CDK13: variants seen among roughly 807,000 people sequenced by gnomAD.
The protein encoded by CDK13 is cyclin-dependent kinase 13.
CDK13 carries 40 observed loss-of-function variants against 137.6 expected under a neutral mutation model. The ratio of observed to expected loss-of-function variants is 0.29; its 90% CI spans 0.23 to 0.38. CDK13 has a LOEUF of 0.38. Among genes scored for constraint, CDK13 ranks in the 10% least tolerant of loss-of-function variants. CDK13 has a pLI of 1.00. For missense variants in CDK13, 1,704 were observed against 1,951.8 expected (o/e 0.87, Z 2.39); for synonymous variants, 869 against 760.1 (o/e 1.14, Z -2.36).
chr7:39,987,469 C>G (rs1784363434), intron 1 of CDK13, 130 bp from the exon 2 acceptor site: 1 of 831,296 alleles, frequency 1.2e-6, no homozygotes, highest in African/African-American at 1.8e-5. Flanking sequence ...TTTTTCAAAA[C>G]TTCAAAAATG....
At chr7:40,013,525 T>C (rs1052680953) in intron 5 of CDK13, among the ~76,000 whole-genome samples, 3 of 152,244 alleles carry the variant, frequency 2.0e-5, no homozygotes, top group Non-Finnish European at 2.9e-5. Flanking sequence ...CTATGTATTA[T>C]ATGATTCCAT....
intron 5 of CDK13, among the ~76,000 whole-genome samples, chr7:40,010,005 A>G (rs935399438): frequency 1.3e-5 from 2 of 152,212 alleles, no homozygotes; most frequent in Non-Finnish European, 2.9e-5. Context: ...AACCTTTTTG[A>G]CACCAGGGAC....
chr7:40,085,206 C>G (rs533866632), intron 11 of CDK13, among the ~76,000 whole-genome samples: 1 of 151,868 alleles, frequency 6.6e-6, no homozygotes, highest in African/African-American at 2.4e-5. Flanking sequence ...ACTAAAAATA[C>G]GAAAATTAGC....
intron 5 of CDK13, among the ~76,000 whole-genome samples, chr7:40,012,884 C>T (rs368110720): frequency 6.6e-4 from 99 of 150,050 alleles, no homozygotes; most frequent in Middle Eastern, 3.4e-3. Flanking sequence ...TGCACTCCAG[C>T]CTGGGCGACC....
At chr7:40,015,810 C>G (rs1784991801) in intron 5 of CDK13, among the ~76,000 whole-genome samples, 1 of 152,080 alleles carries the variant, frequency 6.6e-6, no homozygotes, top group Non-Finnish European at 1.5e-5. Flanking sequence ...GAGTTTCAGT[C>G]ACATCTGACT....
chr7:40,021,502 A>T (rs769318611), intron 5 of CDK13, among the ~76,000 whole-genome samples: 2 of 152,148 alleles, frequency 1.3e-5, no homozygotes, highest in Non-Finnish European at 2.9e-5. Context: ...AAAAAAAGGA[A>T]ATAATAATTT....
At chr7:40,017,133 T>G (rs2116385285) in intron 5 of CDK13, among the ~76,000 whole-genome samples, 1 of 152,294 alleles carries the variant, frequency 6.6e-6, no homozygotes, top group South Asian at 2.1e-4. Context: ...ATATAGCCAC[T>G]TAAAAAACAG....
intron 5 of CDK13, among the ~76,000 whole-genome samples, chr7:40,020,478 T>C (rs762897570): frequency 1.1e-4 from 16 of 152,142 alleles, no homozygotes; most frequent in Non-Finnish European, 2.1e-4. Flanking sequence ...GCTCTTCCTT[T>C]CCCTCCTGCT....
chr7:40,078,450 A>G, intron 10 of CDK13: 1 of 276,704 alleles, frequency 3.6e-6, no homozygotes, highest in South Asian at 1.2e-4. Context: ...CTTAATTTGT[A>G]TAATAACAGC....
Position 39,950,618 on chromosome 7 carries a change from G to T in CDK13, c.-24G>T. The T allele has an allele frequency of 1.6e-6, 2 of 1,288,830 alleles. No homozygotes were observed. Among genetic ancestry groups the T allele is most frequent in the East Asian group, 6.3e-5 (2 of 31,804 alleles). The allele number at this position is 1,288,830 out of a possible 1,614,324, so 79.8% of individuals were successfully genotyped here. On this transcript the variant is annotated 5_prime_UTR_variant, in exon 1 of 14. Coordinates refer to ENST00000181839, the MANE Select transcript of CDK13 (RefSeq NM_003718.5). ...CCCGGGAGGAGGCCGCACCCGCGCC[G>T]CGCTCTGCGGCTGGCTCTAGGCGAT...
chr7:39,968,329 T>G (rs1367635081), intron 1 of CDK13, among the ~76,000 whole-genome samples: 1 of 152,248 alleles, frequency 6.6e-6, no homozygotes, highest in East Asian at 1.9e-4. Context: ...GGAGCTTTTC[T>G]TCTCCTTTCT....
chr7:39,955,365 A>T (rs1480491048), intron 1 of CDK13, among the ~76,000 whole-genome samples: 1 of 152,184 alleles, frequency 6.6e-6, no homozygotes, highest in Non-Finnish European at 1.5e-5. Flanking sequence ...GGCTGATTTG[A>T]AAGTACATGC....
intron 1 of CDK13, among the ~76,000 whole-genome samples, chr7:39,953,899 T>G (rs1239947425): frequency 6.6e-6 from 1 of 152,224 alleles, no homozygotes; most frequent in Non-Finnish European, 1.5e-5. Flanking sequence ...AGCAAGATCC[T>G]TGAAGACTCA....
chr7:40,065,320 A>G (rs1420313419), intron 9 of CDK13, among the ~76,000 whole-genome samples: 1 of 152,146 alleles, frequency 6.6e-6, no homozygotes, highest in East Asian at 1.9e-4. Flanking sequence ...AAATTTACAT[A>G]TGCTAAAAAA....
Position 39,951,142 on chromosome 7 carries a change from G to A in CDK13, c.501G>A (p.Ala167=), listed in dbSNP as rs999406904. 75 of 1,242,796 alleles carry A rather than the reference G, an allele frequency of 6.0e-5. No homozygotes were observed. Among genetic ancestry groups the A allele is most frequent in the Non-Finnish European group, 5.4e-5 (54 of 994,888 alleles). The allele number at this position is 1,242,796 out of a possible 1,614,324, so 77.0% of individuals were successfully genotyped here. ...TGGGGGGGGCCAGCGCGGCAACGGC[G>A]GCGACGGCTGCCGGGGGAACGGGGG... The part of the protein sequence containing the change: ...LLLGGASAAT[A]ATAAGGTGGS... Residue 167 remains alanine, a synonymous_variant, in exon 1 of 14, where the codon GCG becomes GCA. Coordinates refer to ENST00000181839, the MANE Select transcript of CDK13 (RefSeq NM_003718.5).
At chr7:40,056,856 G>A (rs545440712) in intron 7 of CDK13, among the ~76,000 whole-genome samples, 2 of 152,240 alleles carry the variant, frequency 1.3e-5, no homozygotes, top group African/African-American at 4.8e-5. Flanking sequence ...GCAACTGGAT[G>A]AATGATTTGT....
At chr7:40,047,775 A>T (rs1431404160) in intron 6 of CDK13, 46 bp from the exon 7 acceptor site, 1 of 1,307,462 alleles carries the variant, frequency 7.6e-7, no homozygotes, top group Non-Finnish European at 1.1e-6. Context: ...ATTGTCAATT[A>T]AGAGTAAATT....
In CDK13 at chr7:40,049,612, C is replaced by G. The variant is rs537852124; in HGVS notation, c.2600+1735C>G. ...TTTGTGTGTGCCAACACTTAAAAAT[C>G]TACTCTCAACAATTTTCAAGAATAC... On this transcript the variant is annotated intron_variant, in intron 7 of 13. Transcript: ENST00000181839. 2.2e-4 allele frequency among the ~76,000 whole-genome samples: 33 copies of G among 152,216 alleles called. 1 individual carries two copies. In the Middle Eastern group the frequency reaches 0.01, roughly 47 times the overall value.
At chr7:39,965,751 C>G (rs370665378) in intron 1 of CDK13, among the ~76,000 whole-genome samples, 46,714 of 151,686 alleles carry the variant, frequency 0.31, 7,686 homozygotes, top group Middle Eastern at 0.47. Flanking sequence ...TGCAGTGGCT[C>G]TTACCGGTTG....
Sources: allele counts gnomAD v4.1 joint callset (sites outside exome capture counted in the v4.1 genomes callset), GRCh38; gene constraint gnomAD v4.1.1; transcripts MANE v1.5; gene names NCBI Gene and HGNC (gene_info 2026-07-23, HGNC 2026-07-21).